SLC12A3: variants seen among roughly 807,000 people sequenced by gnomAD.
SLC12A3 encodes solute carrier family 12 member 3.
SLC12A3 carries 104 observed loss-of-function variants against 121.0 expected under a neutral mutation model. The ratio of observed to expected loss-of-function variants is 0.86; its 90% CI spans 0.73 to 1.01. The LOEUF (loss-of-function observed/expected upper bound fraction) is 1.01, where lower values mean the gene tolerates loss of function less well. Among genes scored for constraint, SLC12A3 ranks in the 50% least tolerant of loss-of-function variants. The pLI is 0.00. For synonymous variants in SLC12A3, 536 were observed against 533.4 expected, an observed-to-expected ratio of 1.00 and a Z score of -0.07; for missense variants, 1,328 against 1,356.3, an observed-to-expected ratio of 0.98 and a Z score of 0.33.
At chr16:56,912,265 G>A (rs2055696254) in intron 25 of SLC12A3, among the ~76,000 whole-genome samples, 1 of 152,218 alleles carries the variant, frequency 6.6e-6, no homozygotes, top group Non-Finnish European at 1.5e-5. Flanking sequence ...GCCCAGAGCT[G>A]GGCAGCTGTG....
rs1051681930 is a variant in SLC12A3 at position 56,870,687 on chromosome 16, T to A, written c.803T>A (p.Val268Asp). The A allele has an allele frequency of 5.6e-6, 9 of 1,613,840 alleles. No individual in the cohort carries two copies. Among genetic ancestry groups the A allele is most frequent in the Middle Eastern group, 3.3e-4 (2 of 6,084 alleles). ...ATCCGCATCATTGCCGTGGTCTCGG[T>A]CACTGTGCTGCTGGCCATCTCCCTG... is the stretch of plus-strand genomic sequence containing the variant. ...NDIRIIAVVS[V>D]TVLLAISLAG... Residue 268 changes from valine (V) to aspartate (D), a missense_variant, in exon 6 of 26, where the codon GTC becomes GAC. Val to Asp is a radical substitution (Grantham distance 152, BLOSUM62 -3). Coordinates refer to ENST00000563236, the MANE Select transcript of SLC12A3 (RefSeq NM_001126108.2).
chr16:56,893,549 C>T (rs2055419067), intron 21 of SLC12A3, among the ~76,000 whole-genome samples: 1 of 152,200 alleles, frequency 6.6e-6, no homozygotes, highest in Admixed American at 6.5e-5. Context: ...AATTCCCTAC[C>T]TAATCCAGTC....
chr16:56,878,035 T>TCTCCCTCCCTCCCTCCCTCCCTCC (rs373001243), intron 8 of SLC12A3, 42 bp from the exon 9 acceptor site: 8 of 459,248 alleles, frequency 1.7e-5, no homozygotes, highest in African/African-American at 6.8e-5. Context: ...TCCCTCCCTC[T>TCTCCCTCCCTCCCTCCCTCCCTCC]CTCCCTCCCT....
chr16:56,873,849 C>T (rs980848779), intron 8 of SLC12A3, among the ~76,000 whole-genome samples: 1 of 151,596 alleles, frequency 6.6e-6, no homozygotes, highest in Non-Finnish European at 1.5e-5. Flanking sequence ...GTAGTTGAGA[C>T]TACAGGCACC....
chr16:56,892,207 G>A, intron 20 of SLC12A3, 74 bp downstream of exon 20: 1 of 1,435,264 alleles, frequency 7.0e-7, no homozygotes, highest in South Asian at 1.1e-5. Context: ...CCTGTGGGGT[G>A]GCTAGGGGTG....
At chr16:56,892,809 C>A in intron 20 of SLC12A3, 144 bp from the exon 21 acceptor site, 1 of 679,486 alleles carries the variant, frequency 1.5e-6, no homozygotes, top group Non-Finnish European at 2.7e-6. Context: ...CATCACAGCA[C>A]TGAGCGTCCT....
chr16:56,911,902 G>C (rs1243067204), intron 25 of SLC12A3, among the ~76,000 whole-genome samples: 1 of 152,268 alleles, frequency 6.6e-6, no homozygotes, highest in Non-Finnish European at 1.5e-5. Context: ...ATTGTGCTGT[G>C]CCTGCGTGTG....
intron 11 of SLC12A3, 85 bp from the exon 12 acceptor site, chr16:56,880,045 A>C: frequency 6.4e-7 from 1 of 1,558,974 alleles, no homozygotes; most frequent in Non-Finnish European, 8.7e-7. Context: ...GAGGGCACCG[A>C]GCCGGGGCTG....
intron 9 of SLC12A3, among the ~76,000 whole-genome samples, chr16:56,878,378 G>T (rs1475718522): frequency 1.4e-4 from 22 of 152,106 alleles, no homozygotes; most frequent in Non-Finnish European, 1.5e-5. Flanking sequence ...CATGGCAGTG[G>T]GCGTGGTGGG....
At chr16:56,910,035 T>C (rs1405838432) in intron 25 of SLC12A3, among the ~76,000 whole-genome samples, 2 of 151,596 alleles carry the variant, frequency 1.3e-5, no homozygotes, top group Non-Finnish European at 2.9e-5. Context: ...CATATTCCTG[T>C]TGGGTCCAGA....
In SLC12A3 at chr16:56,865,278, TTG is replaced by T. The variant is rs1567423490; in HGVS notation, c.46_47del (p.Cys16GlnfsTer13). ...AACAGAGACGCCTGGGGACGCCACT[TTG>T]TGCAGCGGGCGCTTCACCATCAGCA... ...PTTETPGDAT[L>X]CSGRFTISTL... On this transcript the variant is annotated frameshift_variant, in exon 1 of 26. Coordinates refer to ENST00000563236, the MANE Select transcript of SLC12A3 (RefSeq NM_001126108.2). LOFTEE classifies it high-confidence loss of function. The T allele has an allele frequency of 6.2e-7, 1 of 1,613,926 alleles. No individual in the cohort carries two copies. The highest frequency in any genetic ancestry group is 2.2e-5 in the East Asian group (1 of 44,890).
chr16:56,886,317 G>A (rs142659787), intron 15 of SLC12A3, 47 bp from the exon 16 acceptor site: 44 of 1,434,076 alleles, frequency 3.1e-5, no homozygotes, highest in Non-Finnish European at 3.9e-5. Context: ...CCAGACCCCC[G>A]TGGGCTCTCT....
At position 56,887,028 on chromosome 16, in the gene SLC12A3, A is replaced by C. The variant is rs775032946; in HGVS notation, c.2113A>C (p.Ile705Leu). 1 of 1,613,960 alleles carries C rather than the reference A, an allele frequency of 6.2e-7. No individual in the cohort carries two copies. Among genetic ancestry groups the C allele is most frequent in the South Asian group, 1.1e-5 (1 of 91,078 alleles). ...GHTKWLNKRK[I>L]KAFYSDVIAE... ...CACCAAGTGGCTGAACAAGAGGAAG[A>C]TCAAGGCCTTCTACTCGGATGTCAT... Residue 705 changes from isoleucine (I) to leucine (L), a missense_variant, in exon 17 of 26, where the codon ATC becomes CTC. Coordinates refer to ENST00000563236, the MANE Select transcript of SLC12A3 (RefSeq NM_001126108.2).
Position 56,872,704 on chromosome 16 carries a change from G to T in SLC12A3, c.1013G>T (p.Gly338Val). 1 of 1,614,232 alleles carries T rather than the reference G, an allele frequency of 6.2e-7. No homozygotes were observed. The highest frequency in any genetic ancestry group is 8.5e-7 in the Non-Finnish European group (1 of 1,180,044). ...GTGCCTGACTGGCGGGGTCCAGATG[G>T]CACCTTCTTCGGAATGTTCTCCATC... is the stretch of plus-strand genomic sequence containing the variant. The part of the protein sequence containing the change: ...NLVPDWRGPD[G>V]TFFGMFSIFF... Residue 338 changes from glycine to valine, a missense_variant, in exon 8 of 26, where the codon GGC becomes GTC. Transcript: ENST00000563236.
At position 56,892,950 on chromosome 16, in the gene SLC12A3, C is replaced by A. The variant is rs1366947103; in HGVS notation, c.2420-3C>A. 6.2e-7 allele frequency: 1 copy of A among 1,613,688 alleles called. No individual in the cohort carries two copies. Among genetic ancestry groups the A allele is most frequent in the South Asian group, 1.1e-5 (1 of 91,042 alleles). ...TGCTCTGACCCGCCCCCACCTCCTGCAGTGGACCCCAAGGCCCTGGTGAAG... is the reference window on the plus strand; with the variant it reads ...TGCTCTGACCCGCCCCCACCTCCTGAAGTGGACCCCAAGGCCCTGGTGAAG... On this transcript the variant is annotated splice_polypyrimidine_tract_variant and splice_region_variant and intron_variant, in intron 20 of 25. Transcript: ENST00000563236.
chr16:56,897,489 C>T (rs1030994029), intron 22 of SLC12A3, among the ~76,000 whole-genome samples: 50 of 152,302 alleles, frequency 3.3e-4, no homozygotes, highest in African/African-American at 1.2e-3. Context: ...TAAGGGAAAC[C>T]CAGCAATCCT....
rs200027994 is a variant in SLC12A3 at position 56,868,985 on chromosome 16, A to T, written c.505+613A>T. On this transcript the variant is annotated intron_variant, in intron 3 of 25. Coordinates refer to ENST00000563236, the MANE Select transcript of SLC12A3 (RefSeq NM_001126108.2). Reference sequence around the variant, plus strand: ...TGAAACTCCATCTCAAAAAAAATAAAAAATAAAAAAGAAAGCTGCATTCTG... The same window carrying T: ...TGAAACTCCATCTCAAAAAAAATAATAAATAAAAAAGAAAGCTGCATTCTG... Among the ~76,000 whole-genome samples, 585 of 151,618 alleles carry T rather than the reference A, an allele frequency of 3.9e-3. 10 individuals are homozygous for T. Among genetic ancestry groups the T allele is most frequent in the Admixed American group, 0.01 (156 of 15,226 alleles).
At chr16:56,891,974 TG>T in intron 19 of SLC12A3, 108 bp from the exon 20 acceptor site, 2 of 834,338 alleles carry the variant, frequency 2.4e-6, no homozygotes, top group African/African-American at 1.7e-5. Context: ...GGAGGCCAGG[TG>T]GGGCATCGGG....
At chr16:56,901,527 A>G (rs1337983141) in intron 23 of SLC12A3, among the ~76,000 whole-genome samples, 2 of 151,992 alleles carry the variant, frequency 1.3e-5, no homozygotes, top group Admixed American at 6.6e-5. Context: ...TTTAGTAGAG[A>G]CAGCATTTCG....
Sources: allele counts gnomAD v4.1 joint callset (sites outside exome capture counted in the v4.1 genomes callset), GRCh38; gene constraint gnomAD v4.1.1; transcripts MANE v1.5; gene names NCBI Gene and HGNC (gene_info 2026-07-23, HGNC 2026-07-21).